The following CNTLN variants were observed in gnomAD, a reference collection of about 807,000 sequenced individuals.
CNTLN encodes centlein, centrosomal protein.
In CNTLN, 212 loss-of-function variants were observed where a neutral mutation model predicts 180.0. The observed-to-expected ratio is 1.18, with a 90% CI of 1.05 to 1.32. CNTLN has a LOEUF of 1.32. CNTLN is among the 40% of genes most tolerant of loss of function. The probability of loss-of-function intolerance (pLI) is 0.00; values close to 1 mark genes in which losing one functional copy is unlikely to be tolerated. For missense variants in CNTLN, 2,095 were observed against 1,610.9 expected (o/e 1.30, Z -5.14); for synonymous variants, 722 against 563.1 (o/e 1.28, Z -3.99).
chr9:17,332,550 C>G (rs1000629368), intron 9 of CNTLN, 55 bp from the exon 10 acceptor site: 5 of 1,498,996 alleles, frequency 3.3e-6, no homozygotes, highest in East Asian at 2.5e-5. Context: ...TTTTGCATGT[C>G]TTTCATAATC....
intron 6 of CNTLN, among the ~76,000 whole-genome samples, chr9:17,275,983 C>G (rs955207457): frequency 6.6e-6 from 1 of 151,954 alleles, no homozygotes; most frequent in African/African-American, 2.4e-5. Flanking sequence ...GACTACTAGA[C>G]GGTGAAGGGA....
chr9:17,454,891 A>G (rs1003912781), intron 18 of CNTLN, among the ~76,000 whole-genome samples: 1 of 152,194 alleles, frequency 6.6e-6, no homozygotes, highest in Non-Finnish European at 1.5e-5. Context: ...GCTTATAAAT[A>G]TTTGCTTGAA....
intron 6 of CNTLN, among the ~76,000 whole-genome samples, chr9:17,284,588 G>A (rs375919668): frequency 6.6e-6 from 1 of 152,128 alleles, no homozygotes; most frequent in Non-Finnish European, 1.5e-5. Context: ...TTGTATTTCT[G>A]TGGGGTCAGT....
intron 18 of CNTLN, among the ~76,000 whole-genome samples, chr9:17,455,889 G>T (rs370555273): frequency 8.6e-5 from 13 of 151,324 alleles, no homozygotes; most frequent in African/African-American, 2.2e-4. Context: ...ATCTTAGAGA[G>T]CCTTATTATC....
chr9:17,364,363 C>G (rs1270357914), intron 12 of CNTLN, among the ~76,000 whole-genome samples: 2 of 152,004 alleles, frequency 1.3e-5, no homozygotes, highest in East Asian at 3.9e-4. Context: ...TTAGCTTTTT[C>G]TACTTGCTAT....
At chr9:17,271,282 G>A (rs540512241) in intron 5 of CNTLN, among the ~76,000 whole-genome samples, 4 of 152,088 alleles carry the variant, frequency 2.6e-5, no homozygotes, top group South Asian at 2.1e-4. Context: ...TTGTGGGGGC[G>A]CACCATAAAT....
chr9:17,271,644 C>T (rs1827953473), intron 5 of CNTLN, among the ~76,000 whole-genome samples: 1 of 152,080 alleles, frequency 6.6e-6, no homozygotes, highest in African/African-American at 2.4e-5. Context: ...TGAATGGATC[C>T]ACCATTCACC....
intron 2 of CNTLN, among the ~76,000 whole-genome samples, chr9:17,177,175 T>C (rs1288339048): frequency 1.3e-5 from 2 of 152,130 alleles, no homozygotes; most frequent in African/African-American, 2.4e-5. Context: ...TTTGGGAGGC[T>C]GAGGCAGGCA....
chr9:17,264,804 T>G, intron 5 of CNTLN, among the ~76,000 whole-genome samples: 1 of 151,998 alleles, frequency 6.6e-6, no homozygotes, highest in Non-Finnish European at 1.5e-5. Flanking sequence ...TTGAAGCGAT[T>G]GTGAATGTGA....
intron 18 of CNTLN, among the ~76,000 whole-genome samples, chr9:17,436,916 A>G (rs953953968): frequency 2.6e-5 from 4 of 152,236 alleles, no homozygotes; most frequent in African/African-American, 9.6e-5. Context: ...TAGTTTGTGT[A>G]GTACACATTC....
At chr9:17,402,834 G>T (rs1316581615) in intron 15 of CNTLN, among the ~76,000 whole-genome samples, 1 of 151,690 alleles carries the variant, frequency 6.6e-6, no homozygotes, top group Non-Finnish European at 1.5e-5. Context: ...TGAGTCTCTA[G>T]CCTACTGGGC....
At chr9:17,243,005 C>T (rs1825590129) in intron 5 of CNTLN, among the ~76,000 whole-genome samples, 1 of 152,120 alleles carries the variant, frequency 6.6e-6, no homozygotes, top group African/African-American at 2.4e-5. Context: ...AGGCTTCAGT[C>T]TCATTACCTG....
chr9:17,372,759 A>G (rs1824433814), intron 13 of CNTLN, among the ~76,000 whole-genome samples: 1 of 152,182 alleles, frequency 6.6e-6, no homozygotes, highest in Non-Finnish European at 1.5e-5. Context: ...ATTCAACAAC[A>G]CATTAAAAAA....
At chr9:17,265,608 G>A (rs1479671968) in intron 5 of CNTLN, among the ~76,000 whole-genome samples, 1 of 152,100 alleles carries the variant, frequency 6.6e-6, no homozygotes, top group Non-Finnish European at 1.5e-5. Flanking sequence ...GTTTCAGATG[G>A]AGTGGTACCA....
At position 17,384,402 on chromosome 9, in the gene CNTLN, T is replaced by C. The variant is rs989871906; in HGVS notation, c.1988-3760T>C. Among the ~76,000 whole-genome samples, 4 of 152,178 alleles carry C rather than the reference T, an allele frequency of 2.6e-5. No homozygotes were observed. The South Asian group carries it at 8.3e-4, about 32-fold the overall frequency. On this transcript the variant is annotated intron_variant, in intron 13 of 25. Coordinates refer to ENST00000380647, the MANE Select transcript of CNTLN (RefSeq NM_017738.4). ...GAATATTTGTGGCTGGTAACAAAAA[T>C]GGGCTAATTGTCTTTGAATTTTCAC...
intron 19 of CNTLN, among the ~76,000 whole-genome samples, chr9:17,459,255 A>C (rs1831315335): frequency 6.6e-6 from 1 of 151,882 alleles, no homozygotes; most frequent in South Asian, 2.1e-4. Flanking sequence ...TTTGGTAATA[A>C]TAGATCCATA....
chr9:17,261,244 A>G (rs890890592), intron 5 of CNTLN, among the ~76,000 whole-genome samples: 1 of 151,534 alleles, frequency 6.6e-6, no homozygotes, highest in East Asian at 1.9e-4. Context: ...ATAGCATCGA[A>G]TTTGTAGATT....
chr9:17,135,906 G>T (rs1295828724), intron 1 of CNTLN, among the ~76,000 whole-genome samples: 1 of 152,182 alleles, frequency 6.6e-6, no homozygotes, highest in Non-Finnish European at 1.5e-5. Context: ...TCAAACTTAA[G>T]TTGTAAACAC....
the CNTLN span, among the ~76,000 whole-genome samples, chr9:17,526,214 C>T: frequency 5.9e-5 from 9 of 152,176 alleles, no homozygotes; most frequent in South Asian, 1.0e-3. Flanking sequence ...GGATTACAGG[C>T]GTGAGCCACC....
Sources: gnomAD v4.1 joint callset for allele counts (sites outside exome capture counted in the v4.1 genomes callset) on GRCh38, gnomAD v4.1.1 for gene constraint, MANE v1.5 for transcripts, NCBI Gene and HGNC (gene_info 2026-07-23, HGNC 2026-07-21) for gene names.